ADGRL2: variants seen among roughly 807,000 people sequenced by gnomAD.
ADGRL2 encodes the protein adhesion G protein-coupled receptor L2.
A neutral mutation model predicts 157.4 loss-of-function variants in ADGRL2; 44 were observed. The ratio of observed to expected loss-of-function variants is 0.28; its 90% CI spans 0.22 to 0.36. ADGRL2 has a LOEUF of 0.36. Ranked by LOEUF, ADGRL2 falls within the 10% of genes least tolerant of loss-of-function variation. The pLI is 1.00. For synonymous variants in ADGRL2, 585 were observed against 624.7 expected, an observed-to-expected ratio of 0.94 and a Z score of 0.95; for missense variants, 1,510 against 1,768.9, an observed-to-expected ratio of 0.85 and a Z score of 2.63.
intron 2 of ADGRL2, chr1:81,557,204 C>G (rs1423534111): frequency 1.6e-5 from 3 of 181,876 alleles, no homozygotes; most frequent in African/African-American, 7.2e-5. Flanking sequence ...TGCTGGCCGG[C>G]TTTTCAAGCT....
intron 1 of ADGRL2, among the ~76,000 whole-genome samples, chr1:81,376,250 T>A (rs116525322): frequency 4.6e-5 from 7 of 152,338 alleles, no homozygotes; most frequent in Non-Finnish European, 1.0e-4. Flanking sequence ...CATTAGGCAT[T>A]TTCCCAGCTG....
intron 2 of ADGRL2, among the ~76,000 whole-genome samples, chr1:81,510,953 G>T (rs1468074654): frequency 6.6e-6 from 1 of 152,144 alleles, no homozygotes; most frequent in Non-Finnish European, 1.5e-5. Context: ...TGGCCTGCAA[G>T]CTTAATCATA....
intron 3 of ADGRL2, among the ~76,000 whole-genome samples, chr1:81,625,475 G>A (rs2081891439): frequency 6.6e-6 from 1 of 152,116 alleles, no homozygotes; most frequent in Non-Finnish European, 1.5e-5. Flanking sequence ...ATAAAGAAAA[G>A]TTGTGTTAGA....
At chr1:81,843,663 A>C (rs890879586) in intron 2 of ADGRL2, among the ~76,000 whole-genome samples, 1 of 152,182 alleles carries the variant, frequency 6.6e-6, no homozygotes, top group Non-Finnish European at 1.5e-5. Flanking sequence ...TCAGCATTCA[A>C]GATGAAGGTA....
At chr1:81,428,167 C>A (rs1258033350) in intron 1 of ADGRL2, among the ~76,000 whole-genome samples, 2 of 152,114 alleles carry the variant, frequency 1.3e-5, no homozygotes, top group African/African-American at 2.4e-5. Flanking sequence ...GGAATCTATT[C>A]TCCCCATTTC....
rs540589129 is a variant in ADGRL2 at position 81,380,100 on chromosome 1, C to T, written c.-301-64936C>T. ...GCAAAAAATTCTAAGACTCAAACGGCTTCTTTTCCCCTCCTTCTTTCAGAA... is the reference window on the plus strand; with the variant it reads ...GCAAAAAATTCTAAGACTCAAACGGTTTCTTTTCCCCTCCTTCTTTCAGAA... On this transcript the variant is annotated intron_variant, in intron 1 of 24. Coordinates refer to the ADGRL2 transcript ENST00000370721. Among the ~76,000 whole-genome samples the T allele has an allele frequency of 3.1e-4, 47 of 152,302 alleles. No homozygotes were observed. In the South Asian group the frequency reaches 9.1e-3, roughly 30 times the overall value.
chr1:81,505,997 T>C (rs1570316702), intron 2 of ADGRL2: 1 of 187,124 alleles, frequency 5.3e-6, no homozygotes, highest in South Asian at 1.0e-4. Context: ...TAGGAGTTTC[T>C]GTTCCTGTTC....
intron 1 of ADGRL2, among the ~76,000 whole-genome samples, chr1:81,824,554 G>T (rs1193748167): frequency 1.3e-5 from 2 of 152,112 alleles, no homozygotes; most frequent in African/African-American, 4.8e-5. Context: ...GGATTTACAG[G>T]CATGAGCCAC....
chr1:81,659,658 T>C (rs929743658), intron 3 of ADGRL2, among the ~76,000 whole-genome samples: 6 of 152,204 alleles, frequency 3.9e-5, no homozygotes, highest in African/African-American at 1.4e-4. Context: ...AGACACTTAA[T>C]AAGTATCATT....
At chr1:81,521,974 T>TG (rs2079328726) in intron 2 of ADGRL2, among the ~76,000 whole-genome samples, 1 of 151,466 alleles carries the variant, frequency 6.6e-6, no homozygotes, top group South Asian at 2.1e-4. Context: ...TTTGTTTTTT[T>TG]TTTTTTTTGA....
chr1:81,907,348 G>T (rs2094604281), intron 3 of ADGRL2, 118 bp downstream of exon 3: 19 of 775,018 alleles, frequency 2.5e-5, no homozygotes, highest in South Asian at 9.3e-5. Flanking sequence ...ATTAAACTGA[G>T]TTGGGTTTTT....
At chr1:81,353,559 G>A (rs149530525) in intron 1 of ADGRL2, among the ~76,000 whole-genome samples, 29 of 152,140 alleles carry the variant, frequency 1.9e-4, no homozygotes, top group African/African-American at 6.8e-4. Flanking sequence ...TTTAGAAAAA[G>A]GAAAATAGAT....
At chr1:81,461,130 T>C (rs1319391186) in intron 2 of ADGRL2, among the ~76,000 whole-genome samples, 1 of 152,184 alleles carries the variant, frequency 6.6e-6, no homozygotes, top group Non-Finnish European at 1.5e-5. Context: ...CTCTTCCCCA[T>C]ACAACCTTCC....
intron 2 of ADGRL2, among the ~76,000 whole-genome samples, chr1:81,768,419 A>G (rs2149335563): frequency 6.6e-6 from 1 of 151,928 alleles, no homozygotes; most frequent in East Asian, 2.0e-4. Flanking sequence ...ATTACCAATG[A>G]GATTGAGCAC....
intron 3 of ADGRL2, among the ~76,000 whole-genome samples, chr1:81,678,840 G>A (rs1047639212): frequency 6.6e-6 from 1 of 152,188 alleles, no homozygotes; most frequent in Non-Finnish European, 1.5e-5. Flanking sequence ...ACATCCTGGT[G>A]TGCAAAGGTT....
chr1:81,532,691 G>T (rs951416612), intron 2 of ADGRL2, among the ~76,000 whole-genome samples: 44 of 151,672 alleles, frequency 2.9e-4, no homozygotes, highest in Admixed American at 2.0e-4. Flanking sequence ...GAGGCAAGAG[G>T]ATCACTTGAG....
intron 1 of ADGRL2, among the ~76,000 whole-genome samples, chr1:81,701,194 G>A (rs2083565229): frequency 6.6e-6 from 1 of 152,056 alleles, no homozygotes; most frequent in African/African-American, 2.4e-5. Context: ...TTTTCTTTTT[G>A]ATTAAAATAA....
At chr1:81,901,626 T>G (rs1048873449) in intron 2 of ADGRL2, among the ~76,000 whole-genome samples, 1 of 151,916 alleles carries the variant, frequency 6.6e-6, no homozygotes, top group Admixed American at 6.6e-5. Flanking sequence ...GTATTCTAGA[T>G]CATTAATGTG....
At chr1:81,594,952 G>T (rs2081203122) in intron 3 of ADGRL2, among the ~76,000 whole-genome samples, 1 of 152,326 alleles carries the variant, frequency 6.6e-6, no homozygotes, top group African/African-American at 2.4e-5. Context: ...ACACTGCATT[G>T]TGTCTATTTG....
Sources: allele counts gnomAD v4.1 joint callset (sites outside exome capture counted in the v4.1 genomes callset), GRCh38; gene constraint gnomAD v4.1.1; transcripts MANE v1.5; gene names NCBI Gene and HGNC (gene_info 2026-07-23, HGNC 2026-07-21).